The following SORBS2 variants were observed in gnomAD, a reference collection of about 807,000 sequenced individuals.
SORBS2 encodes sorbin and SH3 domain-containing protein 2.
In SORBS2, 46 loss-of-function variants were observed where a neutral mutation model predicts 97.7. That is an observed-to-expected ratio of 0.47 (90% CI 0.37 to 0.60). SORBS2 has a LOEUF of 0.60. Ranked by LOEUF, SORBS2 falls within the 20% of genes least tolerant of loss-of-function variation. The pLI is 0.00. For missense variants in SORBS2, 1,316 were observed against 1,282.3 expected (o/e 1.03, Z -0.40); for synonymous variants, 476 against 473.4 (o/e 1.01, Z -0.07).
chr4:185,690,590 G>A, intron 2 of SORBS2: 1 of 1,502,006 alleles, frequency 6.7e-7, no homozygotes, highest in Non-Finnish European at 9.0e-7. Context: ...TGGAGAGTTT[G>A]TTATTAAAGT....
At chr4:185,881,255 G>C (rs2099236725) in intron 1 of SORBS2, among the ~76,000 whole-genome samples, 1 of 152,042 alleles carries the variant, frequency 6.6e-6, no homozygotes, top group African/African-American at 2.4e-5. Context: ...ATATGAGAGT[G>C]AAAGCATGGG....
intron 1 of SORBS2, among the ~76,000 whole-genome samples, chr4:185,953,290 G>A (rs1232024727): frequency 6.6e-6 from 1 of 152,180 alleles, no homozygotes; most frequent in Non-Finnish European, 1.5e-5. Flanking sequence ...CTCCAGCCTG[G>A]GTGACAGAAT....
chr4:185,732,759 C>G (rs975844848), intron 2 of SORBS2, among the ~76,000 whole-genome samples: 20 of 152,210 alleles, frequency 1.3e-4, no homozygotes, highest in Non-Finnish European at 1.5e-5. Context: ...GAAGTCCTTC[C>G]TCACCCCCAG....
At chr4:185,630,433 C>G in intron 5 of SORBS2, 116 bp downstream of exon 17, 2 of 530,130 alleles carry the variant, frequency 3.8e-6, no homozygotes, top group Non-Finnish European at 6.6e-6. Flanking sequence ...AGGCATGGTA[C>G]TTCAAATAAA....
chr4:185,655,934 C>T (rs1459625941), intron 1 of SORBS2, among the ~76,000 whole-genome samples: 2 of 152,146 alleles, frequency 1.3e-5, no homozygotes, highest in East Asian at 1.9e-4. Context: ...AGAATCAGGG[C>T]TTTCTTAATT....
chr4:185,818,182 A>T (rs190732809), intron 1 of SORBS2, among the ~76,000 whole-genome samples: 6 of 152,064 alleles, frequency 3.9e-5, no homozygotes, highest in Admixed American at 1.3e-4. Context: ...TTCAGTGCCT[A>T]TGTGTTTGTT....
chr4:185,809,700 T>C (rs927718777), intron 1 of SORBS2, among the ~76,000 whole-genome samples: 5 of 152,162 alleles, frequency 3.3e-5, no homozygotes, highest in African/African-American at 9.7e-5. Flanking sequence ...CATCTGTGTA[T>C]AGCATGTCAT....
At chr4:185,630,717 C>G in intron 4 of SORBS2, 119 bp from the exon 17 acceptor site, 1 of 638,998 alleles carries the variant, frequency 1.6e-6, no homozygotes. Flanking sequence ...TTGAAAGTAC[C>G]ATTCATTATG....
rs140626070 is a variant in SORBS2, at chr4:185,710,779, G to A, written c.-197-31957C>T. ...GGGCACTGGCCAGCCTGTTGCTCAT[G>A]CAGCGTGGGAGGTGAGCGGGCACAG... On this transcript the variant is annotated intron_variant, in intron 2 of 20. Transcript: ENST00000284776. Among the ~76,000 whole-genome samples the A allele has an allele frequency of 6.0e-3, 917 of 152,318 alleles. 7 individuals carry two copies. The highest frequency in any genetic ancestry group is 0.021 in the African/African-American group (880 of 41,556).
chr4:185,834,559 CG>C (rs1263170630), intron 1 of SORBS2, among the ~76,000 whole-genome samples: 1 of 152,074 alleles, frequency 6.6e-6, no homozygotes, highest in African/African-American at 2.4e-5. Context: ...CAGTGCTCCA[CG>C]TATACCCTTC....
chr4:185,637,534 T>G (rs1457704494), intron 4 of SORBS2, among the ~76,000 whole-genome samples: 1 of 152,252 alleles, frequency 6.6e-6, no homozygotes, highest in Non-Finnish European at 1.5e-5. Flanking sequence ...ATTTTCATTT[T>G]TCTTTAACAG....
chr4:185,840,983 C>T (rs546185085), intron 1 of SORBS2, among the ~76,000 whole-genome samples: 1 of 152,240 alleles, frequency 6.6e-6, no homozygotes, highest in East Asian at 1.9e-4. Context: ...GGGCAGGTAG[C>T]ACCTGAGCCA....
chr4:185,639,154 C>G, intron 4 of SORBS2, 119 bp from the exon 14 acceptor site: 3 of 908,040 alleles, frequency 3.3e-6, no homozygotes, highest in Non-Finnish European at 4.8e-6. Flanking sequence ...GGCCTCCGGA[C>G]GGCGAAGTGT....
At chr4:185,827,996 AC>A (rs2099202867) in intron 1 of SORBS2, among the ~76,000 whole-genome samples, 1 of 27,536 alleles carries the variant, frequency 3.6e-5, no homozygotes, top group African/African-American at 1.1e-4. Flanking sequence ...CATCATCATC[AC>A]CATCATCATC....
chr4:185,624,419 TCTAA>T lies in SORBS2; in HGVS notation c.706_709del (p.Leu236IlefsTer56), dbSNP rs1561490138. 1 of 1,614,116 alleles carries T rather than the reference TCTAA, an allele frequency of 6.2e-7. No individual in the cohort carries two copies. On this transcript the variant is annotated frameshift_variant, in exon 7 of 15. Transcript: ENST00000418609. LOFTEE classifies it high-confidence loss of function. ...GTGCTGTCTGTAAGTGCTACAGTAATCTAACTCACTGGAGGGGTTGCCGTTGAGC... is the reference window on the plus strand; with the variant it reads ...GTGCTGTCTGTAAGTGCTACAGTAATCTCACTGGAGGGGTTGCCGTTGAGC...
intron 2 of SORBS2, among the ~76,000 whole-genome samples, chr4:185,731,878 A>C (rs1447363057): frequency 0.038 from 1,618 of 42,390 alleles, 12 homozygotes; most frequent in Non-Finnish European, 0.046. Flanking sequence ...ATATATATAT[A>C]TATATATATA....
At chr4:185,839,260 A>T (rs559506713) in intron 1 of SORBS2, among the ~76,000 whole-genome samples, 88 of 152,370 alleles carry the variant, frequency 5.8e-4, no homozygotes, top group African/African-American at 2.0e-3. Context: ...ACTTAACCTC[A>T]GCCGCTGGCT....
At chr4:185,912,423 A>G (rs1301835563) in intron 1 of SORBS2, among the ~76,000 whole-genome samples, 5 of 151,902 alleles carry the variant, frequency 3.3e-5, no homozygotes, top group African/African-American at 1.2e-4. Flanking sequence ...CGTCTCTACT[A>G]AAAATACAAA....
intron 2 of SORBS2, chr4:185,774,187 G>A (rs1422316851): frequency 1.3e-5 from 2 of 152,198 alleles, no homozygotes; most frequent in African/African-American, 2.4e-5. Context: ...TGAGGCAGCA[G>A]GGCAGCCAGC....
Sources: gnomAD v4.1 joint callset for allele counts (sites outside exome capture counted in the v4.1 genomes callset) on GRCh38, gnomAD v4.1.1 for gene constraint, MANE v1.5 for transcripts, NCBI Gene and HGNC (gene_info 2026-07-23, HGNC 2026-07-21) for gene names.